The following TENM4 variants were observed in gnomAD, a reference collection of about 807,000 sequenced individuals.
TENM4 encodes the protein teneurin transmembrane protein 4.
A neutral mutation model predicts 243.3 loss-of-function variants in TENM4; 82 were observed. The ratio of observed to expected loss-of-function variants is 0.34; its 90% CI spans 0.28 to 0.40. TENM4 has a LOEUF of 0.40. Ranked by LOEUF, TENM4 falls within the 10% of genes least tolerant of loss-of-function variation. The pLI, the probability that TENM4 is intolerant of heterozygous loss-of-function variation, is 1.00. For missense variants in TENM4, 3,138 were observed against 3,673.3 expected (o/e 0.85, Z 3.77); for synonymous variants, 1,412 against 1,456.3 (o/e 0.97, Z 0.69).
intron 1 of TENM4, among the ~76,000 whole-genome samples, chr11:79,366,932 C>T (rs1008424079): frequency 6.6e-6 from 1 of 152,160 alleles, no homozygotes; most frequent in African/African-American, 2.4e-5. Context: ...CCTAGTCACC[C>T]ATTCACAGCT....
rs568495709 is a variant in TENM4 at position 79,090,439 on chromosome 11, G to A, written c.-65-20430C>T. 2.6e-5 allele frequency among the ~76,000 whole-genome samples: 4 copies of A among 152,336 alleles called. No individual in the cohort carries two copies. The East Asian group carries it at 7.7e-4, about 29-fold the overall frequency. ...CCCGTGCAGAAGAAAGGCAGGTGGC[G>A]AGCTGCCTATGGCAGCAAGTGAAGA... On this transcript the variant is annotated intron_variant, in intron 4 of 33. Coordinates refer to ENST00000278550, the MANE Select transcript of TENM4 (RefSeq NM_001098816.3).
intron 6 of TENM4, among the ~76,000 whole-genome samples, chr11:78,970,466 A>C (rs984670713): frequency 2.0e-5 from 3 of 152,190 alleles, no homozygotes; most frequent in African/African-American, 7.2e-5. Context: ...GTTTCCCCTT[A>C]CTGTAAAAAT....
At chr11:79,149,355 GC>G (rs1862451090) in intron 3 of TENM4, among the ~76,000 whole-genome samples, 1 of 152,132 alleles carries the variant, frequency 6.6e-6, no homozygotes, top group South Asian at 2.1e-4. Context: ...TTAATTTTCA[GC>G]TCTTCTTTTT....
chr11:79,115,894 C>T (rs1473272632), intron 4 of TENM4, among the ~76,000 whole-genome samples: 3 of 152,170 alleles, frequency 2.0e-5, no homozygotes, highest in African/African-American at 4.8e-5. Context: ...TGCTCTGACT[C>T]GAAGAGTCTA....
intron 6 of TENM4, among the ~76,000 whole-genome samples, chr11:79,049,856 C>T (rs748046990): frequency 1.3e-5 from 2 of 152,188 alleles, no homozygotes; most frequent in Non-Finnish European, 2.9e-5. Flanking sequence ...GAGCACTTCC[C>T]GCATGACTCT....
At chr11:79,169,597 C>G (rs920306633) in intron 3 of TENM4, among the ~76,000 whole-genome samples, 1 of 152,180 alleles carries the variant, frequency 6.6e-6, no homozygotes, top group African/African-American at 2.4e-5. Context: ...ACACAGTTTT[C>G]TTGACAAGAT....
intron 2 of TENM4, among the ~76,000 whole-genome samples, chr11:79,250,364 G>A (rs1325884932): frequency 6.6e-6 from 1 of 152,232 alleles, no homozygotes; most frequent in African/African-American, 2.4e-5. Context: ...ATAAGGCAAA[G>A]CAGGATGCCA....
intron 1 of TENM4, among the ~76,000 whole-genome samples, chr11:79,385,622 C>A (rs1858095367): frequency 6.6e-6 from 1 of 152,102 alleles, no homozygotes; most frequent in South Asian, 2.1e-4. Context: ...AATTCTTATT[C>A]AAAAAATAAC....
At chr11:79,099,363 T>C (rs531287548) in intron 4 of TENM4, among the ~76,000 whole-genome samples, 54 of 152,282 alleles carry the variant, frequency 3.5e-4, no homozygotes, top group Middle Eastern at 6.8e-3. Flanking sequence ...CTTTTCCCTG[T>C]CGTTCTCATG....
chr11:79,266,476 A>G (rs1403715408), intron 2 of TENM4, among the ~76,000 whole-genome samples: 1 of 152,234 alleles, frequency 6.6e-6, no homozygotes, highest in Non-Finnish European at 1.5e-5. Context: ...GAGGAATGAT[A>G]CAGGCAGGAG....
chr11:79,434,748 G>A (rs976283409), intron 1 of TENM4, among the ~76,000 whole-genome samples: 1 of 152,148 alleles, frequency 6.6e-6, no homozygotes, highest in Non-Finnish European at 1.5e-5. Flanking sequence ...TTAAAAAGAT[G>A]AAAGAGACAT....
At chr11:79,185,196 G>A (rs1863359164) in intron 3 of TENM4, among the ~76,000 whole-genome samples, 1 of 152,084 alleles carries the variant, frequency 6.6e-6, no homozygotes, top group Non-Finnish European at 1.5e-5. Flanking sequence ...TACTTGAGAG[G>A]CTGAGGTGGG....
chr11:78,735,924 T>A (rs2135892738), intron 20 of TENM4, among the ~76,000 whole-genome samples: 1 of 147,482 alleles, frequency 6.8e-6, no homozygotes, highest in South Asian at 2.3e-4. Context: ...CCTTTCTCTC[T>A]TTTCTCTTTC....
chr11:79,181,816 T>C (rs921035467), intron 3 of TENM4, among the ~76,000 whole-genome samples: 3 of 152,062 alleles, frequency 2.0e-5, no homozygotes, highest in African/African-American at 7.2e-5. Flanking sequence ...AATGAACAAG[T>C]TGAATTTAAA....
At chr11:79,289,732 C>T (rs931409162) in intron 2 of TENM4, among the ~76,000 whole-genome samples, 6 of 152,204 alleles carry the variant, frequency 3.9e-5, no homozygotes, top group African/African-American at 1.4e-4. Flanking sequence ...CAAGTATTTG[C>T]CATTCCTGCA....
At chr11:78,763,906 A>T (rs983751333) in intron 18 of TENM4, among the ~76,000 whole-genome samples, 5 of 95,488 alleles carry the variant, frequency 5.2e-5, no homozygotes, top group African/African-American at 3.0e-4. Context: ...CCCTCTGGAG[A>T]CAGGGGCTGG....
Position 79,069,722 on chromosome 11 carries a change from C to T in TENM4, c.223G>A (p.Gly75Ser), listed in dbSNP as rs1326874942. 6.5e-7 allele frequency: 1 copy of T among 1,550,066 alleles called. No individual in the cohort carries two copies. The highest frequency in any genetic ancestry group is 2.4e-5 in the East Asian group (1 of 40,922). ...CCCGCCCCCTCGGCCTTGTCCTTAC[C>T]TGTGCGGCAGAATTCCTCGGCCTCC... is the stretch of plus-strand genomic sequence containing the variant. ...PQEAEEFCRTGANFTLRELGL... is the reference protein window; with the variant it reads ...PQEAEEFCRTSANFTLRELGL... Residue 75 changes from glycine (G) to serine (S), a missense_variant and splice_region_variant, in exon 5 of 34, where the codon GGT becomes AGT. Gly to Ser is a moderately conservative substitution (Grantham distance 56). This residue lies in a region of TENM4 where 671 missense variants were observed against 614.1 expected (regional missense o/e 1.09). Coordinates refer to ENST00000278550, the MANE Select transcript of TENM4 (RefSeq NM_001098816.3).
chr11:78,666,843 C>T (rs1407297688), intron 32 of TENM4, among the ~76,000 whole-genome samples: 1 of 151,992 alleles, frequency 6.6e-6, no homozygotes, highest in Non-Finnish European at 1.5e-5. Context: ...TGCCAGATAG[C>T]ATAGAGAGTT....
At chr11:78,672,427 G>A in intron 30 of TENM4, 98 bp from the exon 31 acceptor site, 1 of 1,312,828 alleles carries the variant, frequency 7.6e-7, no homozygotes, top group Non-Finnish European at 1.1e-6. Flanking sequence ...GGAAGCTCTT[G>A]AGTAGAGGAG....
Sources: gnomAD v4.1 joint callset for allele counts (sites outside exome capture counted in the v4.1 genomes callset) on GRCh38, gnomAD v4.1.1 for gene constraint, gnomAD v4.1.1 regional missense constraint, MANE v1.5 for transcripts, NCBI Gene and HGNC (gene_info 2026-07-23, HGNC 2026-07-21) for gene names.